Variants in PRKAG2 observed in about 807,000 individuals in gnomAD.
The protein encoded by PRKAG2 is protein kinase AMP-activated non-catalytic subunit gamma 2.
In PRKAG2, 26 loss-of-function variants were observed where a neutral mutation model predicts 69.6. The ratio of observed to expected loss-of-function variants is 0.37; its 90% CI spans 0.27 to 0.52. The LOEUF is 0.52. Ranked by LOEUF, PRKAG2 falls within the 20% of genes least tolerant of loss-of-function variation. The probability of loss-of-function intolerance (pLI) is 0.90; values close to 1 mark genes in which losing one functional copy is unlikely to be tolerated. For missense variants in PRKAG2, 557 were observed against 740.0 expected (o/e 0.75, Z 2.87); for synonymous variants, 293 against 285.0 (o/e 1.03, Z -0.28).
At chr7:151,824,652 A>G (rs923776001) in intron 1 of PRKAG2, among the ~76,000 whole-genome samples, 1 of 152,150 alleles carries the variant, frequency 6.6e-6, no homozygotes, top group Non-Finnish European at 1.5e-5. Context: ...CTCCTCTCAC[A>G]GCAAGCACCC....
Position 151,572,657 on chromosome 7 carries a change from T to A in PRKAG2, c.1051+7A>T. On this transcript the variant is annotated splice_region_variant and intron_variant, in intron 9 of 15. Transcript: ENST00000287878. ...CTAAAAGATTTTAAACATCCAATAG[T>A]GCTTACCCCTCCATGTTTCAATTTT... 6.3e-7 allele frequency: 1 copy of A among 1,593,556 alleles called. No homozygotes were observed. The highest frequency in any genetic ancestry group is 8.6e-7 in the Non-Finnish European group (1 of 1,163,236).
chr7:151,786,723 C>G (rs1221321617), intron 1 of PRKAG2, among the ~76,000 whole-genome samples, 182 bp from the exon 2 acceptor site: 1 of 152,210 alleles, frequency 6.6e-6, no homozygotes, highest in African/African-American at 2.4e-5. Flanking sequence ...CCATGCACAT[C>G]CGCTTCCAGA....
At chr7:151,645,702 A>C (rs550347996) in intron 4 of PRKAG2, among the ~76,000 whole-genome samples, 2 of 152,308 alleles carry the variant, frequency 1.3e-5, no homozygotes, top group South Asian at 2.1e-4. Flanking sequence ...TCAAAGAGCA[A>C]GTTTTTAATT....
At chr7:151,613,457 A>G (rs1819342958) in intron 5 of PRKAG2, among the ~76,000 whole-genome samples, 1 of 152,182 alleles carries the variant, frequency 6.6e-6, no homozygotes, top group Admixed American at 6.5e-5. Flanking sequence ...ATCTGAAAAA[A>G]TACTAAATCT....
At chr7:151,757,231 C>T (rs2075150323) in intron 3 of PRKAG2, among the ~76,000 whole-genome samples, 1 of 152,120 alleles carries the variant, frequency 6.6e-6, no homozygotes, top group Non-Finnish European at 1.5e-5. Flanking sequence ...AAGCACAAAA[C>T]CTTTGGCATT....
At chr7:151,740,065 A>G (rs980009293) in intron 3 of PRKAG2, among the ~76,000 whole-genome samples, 2 of 152,152 alleles carry the variant, frequency 1.3e-5, no homozygotes, top group Non-Finnish European at 2.9e-5. Flanking sequence ...TCCCAAGCCT[A>G]CAGCAAGGCA....
At chr7:151,728,641 G>A (rs914771694) in intron 3 of PRKAG2, among the ~76,000 whole-genome samples, 2 of 152,014 alleles carry the variant, frequency 1.3e-5, no homozygotes, top group Non-Finnish European at 1.5e-5. Flanking sequence ...TTTCGTCTTC[G>A]GACACTTTCA....
intron 6 of PRKAG2, among the ~76,000 whole-genome samples, chr7:151,578,844 T>C (rs913745976): frequency 8.5e-5 from 13 of 152,208 alleles, no homozygotes; most frequent in African/African-American, 2.9e-4. Flanking sequence ...TTGCTATTTG[T>C]ACCCTGGGCA....
Position 151,557,886 on chromosome 7 carries a change from A to G in PRKAG2, c.1679-654T>C, listed in dbSNP as rs529032808. ...AAACTCCGTCTCAAATAAAAAAAAA[A>G]AAAACAAAAAAACAAAAAAAAAACC... On this transcript the variant is annotated intron_variant, in intron 15 of 15. Transcript: ENST00000287878. 6.7e-4 allele frequency: 650 copies of G among 976,780 alleles called. 4 individuals carry two copies. In the African/African-American group the frequency reaches 0.01, roughly 16 times the overall value. The allele number at this position is 976,780 out of a possible 1,614,324, so 60.5% of individuals were successfully genotyped here.
At chr7:151,573,975 C>T (rs1808307219) in intron 8 of PRKAG2, among the ~76,000 whole-genome samples, 1 of 152,024 alleles carries the variant, frequency 6.6e-6, no homozygotes, top group South Asian at 2.1e-4. Flanking sequence ...GACAGGGTTT[C>T]ACTATGTTGG....
intron 14 of PRKAG2, among the ~76,000 whole-genome samples, chr7:151,562,237 T>C (rs1272510804): frequency 1.0e-5 from 1 of 100,024 alleles, no homozygotes; most frequent in Non-Finnish European, 2.0e-5. Flanking sequence ...AGAGTGAGAC[T>C]TTGTCTCAAA....
chr7:151,648,661 C>A (rs1346170548), intron 4 of PRKAG2, among the ~76,000 whole-genome samples: 2 of 152,224 alleles, frequency 1.3e-5, no homozygotes, highest in South Asian at 2.1e-4. Flanking sequence ...AAACTGTGAC[C>A]CACTCATGGG....
At chr7:151,649,198 T>G in intron 4 of PRKAG2, among the ~76,000 whole-genome samples, 1 of 152,146 alleles carries the variant, frequency 6.6e-6, no homozygotes, top group East Asian at 1.9e-4. Flanking sequence ...TGATCTTGGC[T>G]CACTGCAACC....
chr7:151,726,054 C>T (rs1366043895), intron 3 of PRKAG2, among the ~76,000 whole-genome samples: 1 of 152,166 alleles, frequency 6.6e-6, no homozygotes, highest in Non-Finnish European at 1.5e-5. Context: ...CCCGAGGAAG[C>T]AGGCAGCCTC....
intron 3 of PRKAG2, among the ~76,000 whole-genome samples, chr7:151,710,548 T>C (rs1443527242): frequency 6.6e-6 from 1 of 152,230 alleles, no homozygotes; most frequent in African/African-American, 2.4e-5. Flanking sequence ...CCCGTGCATG[T>C]GCTGTTCTCC....
chr7:151,630,123 G>T (rs1040853824), intron 5 of PRKAG2, among the ~76,000 whole-genome samples: 6 of 152,042 alleles, frequency 3.9e-5, no homozygotes, highest in Admixed American at 3.3e-4. Context: ...TGCTTTAAAG[G>T]AATGACAGCA....
chr7:151,727,928 TTCC>T (rs939489899), intron 3 of PRKAG2, among the ~76,000 whole-genome samples: 5 of 152,186 alleles, frequency 3.3e-5, no homozygotes, highest in African/African-American at 1.2e-4. Context: ...GAGCCCCACC[TTCC>T]TCCTCCTGCA....
intron 3 of PRKAG2, among the ~76,000 whole-genome samples, chr7:151,727,227 CA>C (rs1233574399): frequency 6.7e-6 from 1 of 149,196 alleles, no homozygotes; most frequent in Non-Finnish European, 1.5e-5. Flanking sequence ...AAAAAAAAAA[CA>C]AAAAACAAAA....
At chr7:151,762,092 C>T (rs1312864227) in intron 3 of PRKAG2, among the ~76,000 whole-genome samples, 1 of 152,230 alleles carries the variant, frequency 6.6e-6, no homozygotes, top group Non-Finnish European at 1.5e-5. Flanking sequence ...GAGGCAGCCA[C>T]TGTCCGATGG....
Sources: allele counts gnomAD v4.1 joint callset (sites outside exome capture counted in the v4.1 genomes callset), GRCh38; gene constraint gnomAD v4.1.1; transcripts MANE v1.5; gene names NCBI Gene and HGNC (gene_info 2026-07-23, HGNC 2026-07-21).